CGNL1: variants seen among roughly 807,000 people sequenced by gnomAD.
The protein encoded by CGNL1 is cingulin-like protein 1.
A neutral mutation model predicts 141.2 loss-of-function variants in CGNL1; 132 were observed. The observed-to-expected ratio is 0.93, with a 90% CI of 0.81 to 1.08. CGNL1 has a LOEUF of 1.08. CGNL1 is among the 50% of genes least tolerant of loss of function. The pLI, the probability that CGNL1 is intolerant of heterozygous loss-of-function variation, is 0.00. For synonymous variants in CGNL1, 690 were observed against 622.1 expected, an observed-to-expected ratio of 1.11 and a Z score of -1.63; for missense variants, 1,870 against 1,588.6, an observed-to-expected ratio of 1.18 and a Z score of -3.01.
rs765052430 is a variant in CGNL1, at chr15:57,377,602, T to C, written c.-16+1035T>C. Among the ~76,000 whole-genome samples the C allele has an allele frequency of 3.9e-5, 6 of 152,192 alleles. No individual in the cohort carries two copies. The East Asian group carries it at 1.2e-3, about 29-fold the overall frequency. ...AATCCACCTCTCCACCTGAAGAACC[T>C]GTTGATTGGTGCTTTCCAACTTTAG... On this transcript the variant is annotated intron_variant, in intron 1 of 18. Transcript: ENST00000281282.
intron 4 of CGNL1, among the ~76,000 whole-genome samples, chr15:57,442,726 C>A (rs2063204993): frequency 6.6e-6 from 1 of 152,150 alleles, no homozygotes; most frequent in Non-Finnish European, 1.5e-5. Context: ...TCAAGCCATC[C>A]TCCTACCTCA....
chr15:57,440,113 A>AT (rs1415264078), intron 2 of CGNL1, among the ~76,000 whole-genome samples: 1 of 150,654 alleles, frequency 6.6e-6, no homozygotes, highest in Non-Finnish European at 1.5e-5. Context: ...AAATGGTAAA[A>AT]AAAAAAAAAA....
intron 6 of CGNL1, among the ~76,000 whole-genome samples, chr15:57,452,517 C>A (rs1425464154): frequency 6.6e-6 from 1 of 152,102 alleles, no homozygotes; most frequent in Non-Finnish European, 1.5e-5. Context: ...TTGAAGTATA[C>A]GTTACAAAGT....
In CGNL1 at chr15:57,545,756, G is replaced by A. The variant is rs2032828044; in HGVS notation, c.3609+56G>A. On this transcript the variant is annotated intron_variant, in intron 17 of 18. Coordinates refer to ENST00000281282, the MANE Select transcript of CGNL1 (RefSeq NM_032866.5). ...GATGAGATTGCGTGTCTCAGGCTGA[G>A]GGAGCAAGGGAGGCAAGGCCTCCCT... 6.9e-6 allele frequency: 10 copies of A among 1,439,878 alleles called. No individual in the cohort carries two copies. In the East Asian group the frequency reaches 2.4e-4, roughly 35 times the overall value. The allele number at this position is 1,439,878 out of a possible 1,614,324, so 89.2% of individuals were successfully genotyped here. A position where few individuals can be genotyped will look rare whatever the true frequency, so the allele number is the denominator to read the frequency against.
intron 1 of CGNL1, among the ~76,000 whole-genome samples, chr15:57,426,206 A>G (rs543488354): frequency 5.3e-5 from 8 of 152,064 alleles, no homozygotes; most frequent in African/African-American, 1.7e-4. Flanking sequence ...GTACAGGGGC[A>G]TGATCTCGGC....
At chr15:57,469,036 T>A (rs1212528925) in intron 8 of CGNL1, among the ~76,000 whole-genome samples, 1 of 152,102 alleles carries the variant, frequency 6.6e-6, no homozygotes, top group African/African-American at 2.4e-5. Flanking sequence ...CAGTCTTGGG[T>A]ATGTCTTTAT....
chr15:57,475,505 G>A (rs1276992287), intron 8 of CGNL1, among the ~76,000 whole-genome samples: 2 of 75,350 alleles, frequency 2.7e-5, no homozygotes, highest in African/African-American at 8.9e-5. Flanking sequence ...GTGTGTGTGT[G>A]TGTGTGTGTG....
intron 1 of CGNL1, among the ~76,000 whole-genome samples, chr15:57,411,489 G>T (rs1353752205): frequency 1.3e-5 from 2 of 150,578 alleles, no homozygotes; most frequent in Non-Finnish European, 3.0e-5. Flanking sequence ...TGTCACCCAG[G>T]CTGGAGTGCA....
At chr15:57,511,300 C>T (rs1157914649) in intron 8 of CGNL1, among the ~76,000 whole-genome samples, 2 of 152,166 alleles carry the variant, frequency 1.3e-5, no homozygotes, top group African/African-American at 4.8e-5. Context: ...TAATCTGTCC[C>T]ATGCTTCTTC....
chr15:57,510,934 C>T (rs758100876), intron 8 of CGNL1, among the ~76,000 whole-genome samples: 4 of 152,312 alleles, frequency 2.6e-5, no homozygotes, highest in South Asian at 4.1e-4. Flanking sequence ...CTATCTTTCA[C>T]GGCCCAGAGG....
chr15:57,532,758 G>C (rs1216483387), intron 14 of CGNL1, among the ~76,000 whole-genome samples: 1 of 152,194 alleles, frequency 6.6e-6, no homozygotes, highest in African/African-American at 2.4e-5. Flanking sequence ...CATGGTGCTG[G>C]CTACCACATT....
intron 1 of CGNL1, among the ~76,000 whole-genome samples, chr15:57,412,240 C>G (rs2062797349): frequency 6.6e-6 from 1 of 152,220 alleles, no homozygotes. Flanking sequence ...CCGAACCACC[C>G]TCATCCTAGC....
Position 57,547,756 on chromosome 15 carries a change from C to G in CGNL1, c.*266C>G. The G allele has an allele frequency of 7.2e-6, 3 of 417,486 alleles. No individual in the cohort carries two copies. Among genetic ancestry groups the G allele is most frequent in the Non-Finnish European group, 1.3e-5 (3 of 233,538 alleles). 25.9% of individuals were successfully genotyped at this position (417,486 alleles called of 1,614,324 possible). On this transcript the variant is annotated 3_prime_UTR_variant, in exon 19 of 19. Coordinates refer to ENST00000281282, the MANE Select transcript of CGNL1 (RefSeq NM_032866.5). ...GTTGTGAGAGATACACTTTGGTAGG[C>G]TGAGGCCCCTGTTCCACAGCCACTA...
intron 14 of CGNL1, among the ~76,000 whole-genome samples, chr15:57,542,125 C>G (rs1415293804): frequency 6.6e-6 from 1 of 152,168 alleles, no homozygotes; most frequent in Non-Finnish European, 1.5e-5. Flanking sequence ...TTCCTGGGAC[C>G]CCAGTTCTTG....
At chr15:57,417,594 A>G (rs1402407571) in intron 1 of CGNL1, among the ~76,000 whole-genome samples, 2 of 140,888 alleles carry the variant, frequency 1.4e-5, no homozygotes, top group African/African-American at 5.3e-5. Context: ...AGTCACTCAG[A>G]ATTGAAATAG....
intron 8 of CGNL1, among the ~76,000 whole-genome samples, chr15:57,491,464 G>A (rs2063861645): frequency 6.6e-6 from 1 of 152,154 alleles, no homozygotes; most frequent in Non-Finnish European, 1.5e-5. Flanking sequence ...TGCCCTGCAA[G>A]GCTGTGAGCT....
In CGNL1 at chr15:57,528,725, T is replaced by C; in HGVS notation, c.3111T>C (p.Leu1037=). 6.2e-7 allele frequency: 1 copy of C among 1,614,094 alleles called. No individual in the cohort carries two copies. Among genetic ancestry groups the C allele is most frequent in the South Asian group, 1.1e-5 (1 of 91,070 alleles). Residue 1037 remains leucine (L), a synonymous_variant, in exon 13 of 19, where the codon CTT becomes CTC. Coordinates refer to ENST00000281282, the MANE Select transcript of CGNL1 (RefSeq NM_032866.5). ...ATGAAGCACTCACAAAAAGGCAGCTTCTGGAGCAGACGCTGAAGGACCTGG... is the reference window on the plus strand; with the variant it reads ...ATGAAGCACTCACAAAAAGGCAGCTCCTGGAGCAGACGCTGAAGGACCTGG... ...AQDEALTKRQ[L]LEQTLKDLEY... is the part of the protein sequence containing the mutation.
chr15:57,446,306 G>A (rs1351143999), intron 4 of CGNL1, among the ~76,000 whole-genome samples: 1 of 152,078 alleles, frequency 6.6e-6, no homozygotes, highest in Admixed American at 6.6e-5. Flanking sequence ...ATACCATCTA[G>A]ATCAAGATAT....
chr15:57,417,898 T>A (rs572635032), intron 1 of CGNL1, among the ~76,000 whole-genome samples: 45 of 152,214 alleles, frequency 3.0e-4, no homozygotes, highest in Admixed American at 5.2e-4. Context: ...GATCTCTGGA[T>A]TGGTTCTTTG....
Sources: gnomAD v4.1 joint callset for allele counts (sites outside exome capture counted in the v4.1 genomes callset) on GRCh38, gnomAD v4.1.1 for gene constraint, MANE v1.5 for transcripts, NCBI Gene and HGNC (gene_info 2026-07-23, HGNC 2026-07-21) for gene names.